EPHB1: variants seen among roughly 807,000 people sequenced by gnomAD.
The protein encoded by EPHB1 is EPH receptor B1.
Under a neutral mutation model 94.4 loss-of-function variants are expected in EPHB1, and 30 were observed. The ratio of observed to expected loss-of-function variants is 0.32; its 90% confidence interval spans 0.24 to 0.43. The LOEUF (loss-of-function observed/expected upper bound fraction) is 0.43. Ranked by LOEUF, EPHB1 falls within the 20% of genes least tolerant of loss-of-function variation. The pLI, the probability that EPHB1 is intolerant of heterozygous loss-of-function variation, is 1.00. For synonymous variants in EPHB1, 522 were observed against 489.1 expected, an observed-to-expected ratio of 1.07 and a Z score of -0.89; for missense variants, 1,055 against 1,308.3, an observed-to-expected ratio of 0.81 and a Z score of 2.99.
chr3:135,082,924 G>A (rs541448880), intron 3 of EPHB1, among the ~76,000 whole-genome samples: 41 of 152,260 alleles, frequency 2.7e-4, no homozygotes, highest in Middle Eastern at 3.4e-3. Context: ...AGCATGGGAC[G>A]TTCTGTAGTT....
At chr3:135,105,302 G>T (rs1165872522) in intron 3 of EPHB1, among the ~76,000 whole-genome samples, 1 of 152,200 alleles carries the variant, frequency 6.6e-6, no homozygotes, top group African/African-American at 2.4e-5. Context: ...AATTCCCTAT[G>T]TCATGTTTTC....
intron 9 of EPHB1, among the ~76,000 whole-genome samples, chr3:135,178,230 G>GGA (rs777122038): frequency 6.8e-6 from 1 of 147,854 alleles, no homozygotes; most frequent in African/African-American, 2.5e-5. Context: ...GGGGAGGGGG[G>GGA]GTGGATCATG....
intron 1 of EPHB1, among the ~76,000 whole-genome samples, chr3:134,852,206 CT>C (rs1285237482): frequency 6.6e-6 from 1 of 152,104 alleles, no homozygotes; most frequent in East Asian, 1.9e-4. Flanking sequence ...ATGTCCCCTC[CT>C]TTTGGTTGCC....
intron 7 of EPHB1, among the ~76,000 whole-genome samples, chr3:135,165,689 T>C (rs1265941733): frequency 6.6e-6 from 1 of 152,222 alleles, no homozygotes; most frequent in East Asian, 1.9e-4. Context: ...ATTGAGGGAA[T>C]GTAGATTGGA....
At chr3:135,258,982 G>C in intron 15 of EPHB1, 30 bp from the exon 16 acceptor site, 1 of 1,540,198 alleles carries the variant, frequency 6.5e-7, no homozygotes, top group Non-Finnish European at 8.9e-7. Context: ...TAACACTAAA[G>C]TGACTTCTTT....
At position 135,134,277 on chromosome 3, in the gene EPHB1, T is replaced by C. The variant is rs570421510; in HGVS notation, c.1297+1228T>C. On this transcript the variant is annotated intron_variant, in intron 5 of 15. Transcript: ENST00000398015. ...TATCTCTGCTCTCTCTTCCTCTGTG[T>C]ATCTCCCCCTCCCTGACCTCCTCTT... 1.4e-4 allele frequency among the ~76,000 whole-genome samples: 22 copies of C among 152,344 alleles called. No homozygotes were observed. In the East Asian group the frequency reaches 2.9e-3, roughly 20 times the overall value.
intron 1 of EPHB1, among the ~76,000 whole-genome samples, chr3:134,907,156 A>G (rs928123606): frequency 6.6e-6 from 1 of 152,336 alleles, no homozygotes; most frequent in Admixed American, 6.5e-5. Flanking sequence ...AAACAGGTAT[A>G]TTGCATCCAT....
intron 3 of EPHB1, among the ~76,000 whole-genome samples, chr3:135,045,795 C>T (rs11928770): frequency 0.023 from 3,572 of 152,140 alleles, 129 homozygotes; most frequent in African/African-American, 0.081. Context: ...GGTAAAAGTT[C>T]CATTGGAAGT....
chr3:135,199,512 A>G (rs920007678), intron 11 of EPHB1, among the ~76,000 whole-genome samples: 28 of 152,242 alleles, frequency 1.8e-4, no homozygotes, highest in African/African-American at 6.3e-4. Context: ...GTTGCTTAGA[A>G]GAATCTATTA....
At chr3:134,801,616 T>C (rs1433547168) in intron 1 of EPHB1, among the ~76,000 whole-genome samples, 1 of 152,234 alleles carries the variant, frequency 6.6e-6, no homozygotes, top group African/African-American at 2.4e-5. Flanking sequence ...GAGCATTCGA[T>C]GTCTGCCCTT....
At chr3:135,110,994 G>A (rs550623488) in intron 4 of EPHB1, among the ~76,000 whole-genome samples, 1 of 152,290 alleles carries the variant, frequency 6.6e-6, no homozygotes, top group African/African-American at 2.4e-5. Context: ...GGAGAAGAGT[G>A]CATAGGGTTT....
chr3:135,239,969 G>A (rs923268207), intron 12 of EPHB1, among the ~76,000 whole-genome samples: 1 of 152,094 alleles, frequency 6.6e-6, no homozygotes, highest in Non-Finnish European at 1.5e-5. Flanking sequence ...ACTTGCCCCC[G>A]CCGCACAGGT....
In EPHB1 at chr3:135,259,187, C is replaced by T; in HGVS notation, c.*67C>T. The T allele has an allele frequency of 1.6e-6, 2 of 1,277,748 alleles. No individual in the cohort carries two copies. Among genetic ancestry groups the T allele is most frequent in the Non-Finnish European group, 2.2e-6 (2 of 898,664 alleles). The allele number at this position is 1,277,748 out of a possible 1,614,324, so 79.2% of individuals were successfully genotyped here. A position where few individuals can be genotyped will look rare whatever the true frequency, so the allele number is the denominator to read the frequency against. ...AGGGTCAAGGGGGACCAGAGGTTGA[C>T]CACTGTGGAATGTACTGGAGAGACT... On this transcript the variant is annotated 3_prime_UTR_variant, in exon 16 of 16. Transcript: ENST00000398015.
chr3:134,929,143 C>T (rs1184446751), intron 2 of EPHB1, among the ~76,000 whole-genome samples: 2 of 152,034 alleles, frequency 1.3e-5, no homozygotes, highest in African/African-American at 4.8e-5. Flanking sequence ...TTTGCCTTTC[C>T]CGGGGAAATG....
chr3:135,043,942 G>A (rs1936924741), intron 3 of EPHB1, among the ~76,000 whole-genome samples: 1 of 152,192 alleles, frequency 6.6e-6, no homozygotes, highest in Non-Finnish European at 1.5e-5. Context: ...GCCTCCTGAA[G>A]ACTCCACTCT....
At chr3:135,147,401 T>C (rs986159640) in intron 5 of EPHB1, among the ~76,000 whole-genome samples, 5 of 152,258 alleles carry the variant, frequency 3.3e-5, no homozygotes, top group Admixed American at 1.3e-4. Flanking sequence ...TGAATGTTTA[T>C]AGAAGCATTA....
At chr3:134,997,918 G>C (rs552756120) in intron 3 of EPHB1, among the ~76,000 whole-genome samples, 21 of 152,286 alleles carry the variant, frequency 1.4e-4, no homozygotes, top group African/African-American at 4.8e-4. Context: ...AATGGACTTT[G>C]CTGAGACCCA....
chr3:134,939,847 C>G (rs916236508), intron 2 of EPHB1, among the ~76,000 whole-genome samples: 2 of 152,218 alleles, frequency 1.3e-5, no homozygotes, highest in Non-Finnish European at 2.9e-5. Flanking sequence ...CCATTATGGT[C>G]CCACAGGACA....
intron 10 of EPHB1, among the ~76,000 whole-genome samples, chr3:135,187,839 C>T (rs968290484): frequency 6.6e-6 from 1 of 152,128 alleles, no homozygotes; most frequent in African/African-American, 2.4e-5. Flanking sequence ...CTTTTCCTCT[C>T]TTTTCTCTTC....
Sources: allele counts gnomAD v4.1 joint callset (sites outside exome capture counted in the v4.1 genomes callset), GRCh38; gene constraint gnomAD v4.1.1; transcripts MANE v1.5; gene names NCBI Gene and HGNC (gene_info 2026-07-23, HGNC 2026-07-21).